Variants in NR3C2 observed in about 807,000 individuals in gnomAD.
NR3C2 encodes the protein nuclear receptor subfamily 3 group C member 2, also known as mineralocorticoid receptor.
A neutral mutation model predicts 86.4 loss-of-function variants in NR3C2; 15 were observed. That is an observed-to-expected ratio of 0.17 (90% CI 0.12 to 0.27). NR3C2 has a LOEUF of 0.27. Ranked by LOEUF, NR3C2 falls within the 10% of genes least tolerant of loss-of-function variation. NR3C2 has a pLI of 1.00. For missense variants in NR3C2, 960 were observed against 1,195.6 expected (o/e 0.80, Z 2.91); for synonymous variants, 458 against 450.5 (o/e 1.02, Z -0.21).
intron 8 of NR3C2, among the ~76,000 whole-genome samples, chr4:148,102,163 C>T (rs10031194): frequency 0.26 from 39,349 of 152,070 alleles, 5,818 homozygotes; most frequent in African/African-American, 0.4. Flanking sequence ...TTAGCAGCAG[C>T]GCTTTCCCAG....
In NR3C2 at chr4:148,081,308, G is replaced by A. The variant is rs1174699519; in HGVS notation, c.*36C>T. On this transcript the variant is annotated 3_prime_UTR_variant, in exon 9 of 9. Coordinates refer to ENST00000358102, the MANE Select transcript of NR3C2 (RefSeq NM_000901.5). ...CCTTCTGGGTGTGGAACAACACAGG[G>A]AAACTTAAGGCAAAGTTCTTCTGGG... The A allele has an allele frequency of 6.2e-7, 1 of 1,613,986 alleles. No individual in the cohort carries two copies. The highest frequency in any genetic ancestry group is 8.5e-7 in the Non-Finnish European group (1 of 1,179,970).
At chr4:148,323,840 T>G (rs897704177) in intron 2 of NR3C2, among the ~76,000 whole-genome samples, 1 of 150,586 alleles carries the variant, frequency 6.6e-6, no homozygotes, top group Admixed American at 6.6e-5. Context: ...CACCGTCTTC[T>G]GCGTCGCTCA....
At chr4:148,440,206 A>AT (rs1448440334) in intron 1 of NR3C2, among the ~76,000 whole-genome samples, 5 of 152,182 alleles carry the variant, frequency 3.3e-5, no homozygotes, top group Non-Finnish European at 7.4e-5. Flanking sequence ...AAGATCAGAT[A>AT]TTTTTCAAAT....
chr4:148,099,822 A>G (rs898218501), intron 8 of NR3C2, among the ~76,000 whole-genome samples: 1 of 152,198 alleles, frequency 6.6e-6, no homozygotes, highest in Non-Finnish European at 1.5e-5. Context: ...CCTGTGTGTC[A>G]GGTTTGATTT....
intron 8 of NR3C2, among the ~76,000 whole-genome samples, chr4:148,089,031 A>G (rs1019098838): frequency 1.3e-5 from 2 of 152,178 alleles, no homozygotes; most frequent in South Asian, 4.1e-4. Flanking sequence ...AAATAACTCT[A>G]TAGTTTAATA....
At chr4:148,223,945 T>C (rs1293004897) in intron 3 of NR3C2, among the ~76,000 whole-genome samples, 1 of 152,028 alleles carries the variant, frequency 6.6e-6, no homozygotes, top group Non-Finnish European at 1.5e-5. Context: ...TATAGGCAAA[T>C]GAACATATAG....
rs962134867 is a variant in NR3C2 at position 148,156,579 on chromosome 4, G to A, written c.2015-1678C>T. On this transcript the variant is annotated intron_variant, in intron 4 of 8. Transcript: ENST00000358102. ...ATGCTCATCATCACTGGCCATCAGA[G>A]AAATGCAAATCAAAACCACAATGAG... Among the ~76,000 whole-genome samples the A allele has an allele frequency of 1.7e-4, 26 of 152,304 alleles. 1 individual carries two copies. Among genetic ancestry groups the A allele is most frequent in the South Asian group, 1.5e-3 (7 of 4,818 alleles).
Position 148,435,866 on chromosome 4 carries a change from G to A in NR3C2, c.995C>T (p.Ser332Phe). Reference sequence around the variant, plus strand: ...GGCATTGTTTACAGGGCTACAGATAGATCCCACAGTACTGGCTGCCGGACT... The same window carrying A: ...GGCATTGTTTACAGGGCTACAGATAAATCCCACAGTACTGGCTGCCGGACT... The part of the protein sequence containing the change: ...LSSPAASTVG[S>F]ICSPVNNAFS... Residue 332 changes from serine (S) to phenylalanine (F), a missense_variant, in exon 2 of 9, where the codon TCT becomes TTT. Physicochemically the swap from Ser to Phe is radical, Grantham distance 155 (BLOSUM62 -2). Coordinates refer to ENST00000358102, the MANE Select transcript of NR3C2 (RefSeq NM_000901.5). The A allele has an allele frequency of 6.2e-7, 1 of 1,614,220 alleles. No homozygotes were observed. The highest frequency in any genetic ancestry group is 8.5e-7 in the Non-Finnish European group (1 of 1,180,030).
chr4:148,326,420 TA>T (rs1271993622), intron 2 of NR3C2, among the ~76,000 whole-genome samples: 141 of 151,532 alleles, frequency 9.3e-4, no homozygotes, highest in African/African-American at 3.2e-3. Flanking sequence ...AATAAATAAA[TA>T]AAATAAAAAA....
At chr4:148,367,555 G>C (rs1261321466) in intron 2 of NR3C2, among the ~76,000 whole-genome samples, 1 of 152,142 alleles carries the variant, frequency 6.6e-6, no homozygotes, top group Non-Finnish European at 1.5e-5. Context: ...ATATTAGCCT[G>C]AAATTTAAGA....
chr4:148,363,074 C>T (rs537545149), intron 2 of NR3C2, among the ~76,000 whole-genome samples: 22 of 152,296 alleles, frequency 1.4e-4, no homozygotes, highest in Admixed American at 1.2e-3. Flanking sequence ...TTCCTGTGCT[C>T]CATCCATAAA....
At chr4:148,408,631 T>A (rs770958373) in intron 2 of NR3C2, among the ~76,000 whole-genome samples, 2 of 152,164 alleles carry the variant, frequency 1.3e-5, no homozygotes, top group Admixed American at 6.5e-5. Context: ...TTCTTGATGA[T>A]CAACAGGTAT....
chr4:148,135,438 G>C (rs1016946866), intron 6 of NR3C2, among the ~76,000 whole-genome samples: 5 of 152,232 alleles, frequency 3.3e-5, no homozygotes, highest in Admixed American at 3.3e-4. Flanking sequence ...ATCTTGGAAG[G>C]AGATGGCAGC....
intron 2 of NR3C2, among the ~76,000 whole-genome samples, chr4:148,401,549 T>C (rs191534252): frequency 0.017 from 2,594 of 149,584 alleles, 78 homozygotes; most frequent in African/African-American, 0.06. Flanking sequence ...CTGCAAGCTC[T>C]GCCTCCTGGG....
intron 2 of NR3C2, among the ~76,000 whole-genome samples, chr4:148,266,127 C>T (rs1385495807): frequency 1.4e-5 from 2 of 143,060 alleles, no homozygotes; most frequent in Non-Finnish European, 3.0e-5. Context: ...GGCTGGAGTG[C>T]AGTGGTGTGA....
chr4:148,220,587 C>T (rs1579029901), intron 3 of NR3C2, among the ~76,000 whole-genome samples: 1 of 152,162 alleles, frequency 6.6e-6, no homozygotes, highest in Non-Finnish European at 1.5e-5. Context: ...GGGAGGATCA[C>T]CTGAGCACAG....
At chr4:148,417,232 T>C (rs1318497255) in intron 2 of NR3C2, among the ~76,000 whole-genome samples, 1 of 152,200 alleles carries the variant, frequency 6.6e-6, no homozygotes, top group Non-Finnish European at 1.5e-5. Context: ...CTTAATTTTG[T>C]TTGGCATATG....
chr4:148,134,854 C>T (rs1005186462), intron 6 of NR3C2, among the ~76,000 whole-genome samples: 20 of 150,958 alleles, frequency 1.3e-4, no homozygotes, highest in Admixed American at 4.0e-4. Flanking sequence ...ATGGGGTTTC[C>T]GCATGTTGGC....
intron 4 of NR3C2, among the ~76,000 whole-genome samples, chr4:148,176,053 C>T (rs924607607): frequency 1.4e-4 from 21 of 152,168 alleles, no homozygotes; most frequent in African/African-American, 4.1e-4. Context: ...TGCTGACCAT[C>T]AGATGCAAAG....
Sources: gnomAD v4.1 joint callset for allele counts (sites outside exome capture counted in the v4.1 genomes callset) on GRCh38, gnomAD v4.1.1 for gene constraint, MANE v1.5 for transcripts, NCBI Gene and HGNC (gene_info 2026-07-23, HGNC 2026-07-21) for gene names.